TUT4: variants seen among roughly 807,000 people sequenced by gnomAD.
TUT4 encodes terminal uridylyl transferase 4, also known as terminal uridylyltransferase 4.
A neutral mutation model predicts 192.2 loss-of-function variants in TUT4; 36 were observed. That is an observed-to-expected ratio of 0.19 (90% confidence interval 0.14 to 0.25). The LOEUF (loss-of-function observed/expected upper bound fraction) is 0.25. TUT4 is among the 10% of genes least tolerant of loss of function. The pLI is 1.00. For missense variants in TUT4, 1,493 were observed against 1,957.2 expected (o/e 0.76, Z 4.47); for synonymous variants, 618 against 666.0 (o/e 0.93, Z 1.11).
At chr1:52,497,384 G>A (rs1672717677) in intron 4 of TUT4, among the ~76,000 whole-genome samples, 1 of 152,196 alleles carries the variant, frequency 6.6e-6, no homozygotes, top group African/African-American at 2.4e-5. Flanking sequence ...GTACTGTGTG[G>A]GGAGGGGATG....
chr1:52,532,118 T>C (rs1683625181), intron 1 of TUT4, among the ~76,000 whole-genome samples: 1 of 151,832 alleles, frequency 6.6e-6, no homozygotes, highest in East Asian at 1.9e-4. Flanking sequence ...GACCTCATGT[T>C]CTGCCCGCCT....
At chr1:52,543,065 A>G (rs1193013844) in intron 1 of TUT4, among the ~76,000 whole-genome samples, 1 of 152,150 alleles carries the variant, frequency 6.6e-6, no homozygotes, top group Non-Finnish European at 1.5e-5. Context: ...TGTGTTCACC[A>G]TTTCTGCTCA....
At chr1:52,488,035 A>T (rs1670231411) in intron 9 of TUT4, among the ~76,000 whole-genome samples, 3 of 152,190 alleles carry the variant, frequency 2.0e-5, no homozygotes, top group Admixed American at 2.0e-4. Context: ...GATGAAGGAA[A>T]CAGCAAATAC....
chr1:52,547,047 G>T (rs773711314), intron 1 of TUT4, among the ~76,000 whole-genome samples: 2 of 151,534 alleles, frequency 1.3e-5, no homozygotes, highest in African/African-American at 4.9e-5. Context: ...AAGAGGCTAA[G>T]GCAGGAGGAT....
At chr1:52,430,201 T>C (rs1022350766) in intron 28 of TUT4, among the ~76,000 whole-genome samples, 1 of 152,136 alleles carries the variant, frequency 6.6e-6, no homozygotes, top group South Asian at 2.1e-4. Flanking sequence ...GAAAAAATAG[T>C]GTCTAGGGCA....
At chr1:52,547,529 T>C (rs1041908968) in intron 1 of TUT4, among the ~76,000 whole-genome samples, 1 of 152,148 alleles carries the variant, frequency 6.6e-6, no homozygotes, top group Non-Finnish European at 1.5e-5. Context: ...TCTGGGTATA[T>C]ACCCAAGAGA....
chr1:52,543,627 G>A (rs1000957093), intron 1 of TUT4, among the ~76,000 whole-genome samples: 2 of 151,878 alleles, frequency 1.3e-5, no homozygotes, highest in Non-Finnish European at 2.9e-5. Context: ...GGGATTACAG[G>A]TACCTGCCAC....
At chr1:52,502,002 TG>T (rs1003871779) in intron 4 of TUT4, among the ~76,000 whole-genome samples, 40 of 152,164 alleles carry the variant, frequency 2.6e-4, no homozygotes, top group African/African-American at 9.6e-4. Flanking sequence ...TATAGAATGA[TG>T]AAAAAGTTCT....
chr1:52,449,082 C>G (rs189039429), intron 20 of TUT4, among the ~76,000 whole-genome samples: 11 of 151,728 alleles, frequency 7.2e-5, no homozygotes, highest in Non-Finnish European at 1.3e-4. Flanking sequence ...CACACACACA[C>G]AGACACACAC....
At chr1:52,487,943 T>C (rs1670208777) in intron 9 of TUT4, among the ~76,000 whole-genome samples, 1 of 152,180 alleles carries the variant, frequency 6.6e-6, no homozygotes, top group Non-Finnish European at 1.5e-5. Flanking sequence ...AATTTATGTA[T>C]GGCAGCTGGT....
At chr1:52,519,729 G>A (rs772928396) in intron 2 of TUT4, among the ~76,000 whole-genome samples, 4 of 151,992 alleles carry the variant, frequency 2.6e-5, no homozygotes, top group South Asian at 2.1e-4. Context: ...AGCTGTTTTC[G>A]AACCCCTGAC....
At chr1:52,455,994 T>C (rs1470284118) in intron 20 of TUT4, among the ~76,000 whole-genome samples, 1 of 152,248 alleles carries the variant, frequency 6.6e-6, no homozygotes, top group Admixed American at 6.5e-5. Context: ...TGCACACAGA[T>C]GTCTGTAACA....
At chr1:52,477,072 CT>C (rs1452787934) in intron 12 of TUT4, among the ~76,000 whole-genome samples, 1 of 152,106 alleles carries the variant, frequency 6.6e-6, no homozygotes, top group African/African-American at 2.4e-5. Context: ...TGAAAACTTT[CT>C]CATAATCTTA....
Position 52,516,063 on chromosome 1 carries a change from GA to G in TUT4, c.719-10del. 1 of 1,610,050 alleles carries G rather than the reference GA, an allele frequency of 6.2e-7. No individual in the cohort carries two copies. Among genetic ancestry groups the G allele is most frequent in the South Asian group, 1.1e-5 (1 of 90,490 alleles). ...ATCATTCTTCATTTTACCTAGAAAA[GA>G]AAGCAATCACTCAGTTATCATCAGA... On this transcript the variant is annotated splice_polypyrimidine_tract_variant and intron_variant, in intron 2 of 29. Transcript: ENST00000257177.
chr1:52,444,166 G>A (rs925079859), intron 24 of TUT4, among the ~76,000 whole-genome samples: 5 of 151,918 alleles, frequency 3.3e-5, no homozygotes, highest in Admixed American at 1.3e-4. Context: ...TCCAGGAGGC[G>A]GAGGTTGCAG....
At chr1:52,495,308 G>A (rs770765428) in intron 6 of TUT4, 119 bp downstream of exon 6, 142 of 505,276 alleles carry the variant, frequency 2.8e-4, no homozygotes, top group Non-Finnish European at 2.9e-4. Flanking sequence ...GTTTAGTCAC[G>A]ATGGTAACAC....
At chr1:52,535,896 T>C (rs906437716) in intron 1 of TUT4, among the ~76,000 whole-genome samples, 1 of 152,200 alleles carries the variant, frequency 6.6e-6, no homozygotes, top group African/African-American at 2.4e-5. Flanking sequence ...GAACTAAGAA[T>C]TCTCTAGCCA....
chr1:52,512,594 T>A (rs555208227), intron 3 of TUT4, among the ~76,000 whole-genome samples: 1 of 152,320 alleles, frequency 6.6e-6, no homozygotes, highest in East Asian at 1.9e-4. Context: ...GCTCTCATCA[T>A]CATAAACTTT....
At position 52,479,997 on chromosome 1, in the gene TUT4, G is replaced by GAA. The variant is rs375149209; in HGVS notation, c.1848+1424_1848+1425dup. ...GCGACAGAGCGAGACTCCGTCTCAGGAAAAAAAAAAAAAAAAAAAAAAGAC... is the reference window on the plus strand; with the variant it reads ...GCGACAGAGCGAGACTCCGTCTCAGGAAAAAAAAAAAAAAAAAAAAAAAAGAC... On this transcript the variant is annotated intron_variant, in intron 11 of 29. Coordinates refer to ENST00000257177, the MANE Select transcript of TUT4 (RefSeq NM_001009881.3). Among the ~76,000 whole-genome samples, 65 of 67,136 alleles carry GAA rather than the reference G, an allele frequency of 9.7e-4. No individual in the cohort carries two copies. In the South Asian group the frequency reaches 0.014, roughly 15 times the overall value. 44.0% of individuals were successfully genotyped at this position (67,136 alleles called of 152,430 possible). A position where few individuals can be genotyped will look rare whatever the true frequency, so the allele number is the denominator to read the frequency against.
Sources: gnomAD v4.1 joint callset for allele counts (sites outside exome capture counted in the v4.1 genomes callset) on GRCh38, gnomAD v4.1.1 for gene constraint, MANE v1.5 for transcripts, NCBI Gene and HGNC (gene_info 2026-07-23, HGNC 2026-07-21) for gene names.